Variants in BCAT1 observed in about 807,000 individuals in gnomAD.
BCAT1 encodes branched chain amino acid transaminase 1.
Under a neutral mutation model 52.4 loss-of-function variants are expected in BCAT1, and 48 were observed. The observed-to-expected ratio is 0.92, with a 90% CI of 0.73 to 1.16. The LOEUF is 1.16. BCAT1 is among the 50% of genes most tolerant of loss of function. The pLI is 0.00. For missense variants in BCAT1, 451 were observed against 457.1 expected, an observed-to-expected ratio of 0.99 and a Z score of 0.12; for synonymous variants, 167 against 161.3, an observed-to-expected ratio of 1.04 and a Z score of -0.27.
At chr12:24,831,264 A>T (rs531159841) in intron 9 of BCAT1, among the ~76,000 whole-genome samples, 1 of 152,334 alleles carries the variant, frequency 6.6e-6, no homozygotes, top group East Asian at 1.9e-4. Flanking sequence ...CATACATAAC[A>T]TACAAAATAT....
intron 9 of BCAT1, among the ~76,000 whole-genome samples, chr12:24,832,248 G>A (rs1940699952): frequency 6.6e-6 from 1 of 152,194 alleles, no homozygotes; most frequent in South Asian, 2.1e-4. Flanking sequence ...ATGTAGGTAA[G>A]ACAGATCTTA....
chr12:24,870,250 CTGTG>C (rs1176202162), intron 5 of BCAT1, among the ~76,000 whole-genome samples: 1 of 152,128 alleles, frequency 6.6e-6, no homozygotes. Context: ...ACTTAATTGG[CTGTG>C]TGTATGTATG....
chr12:24,930,247 A>T (rs1286867267), intron 1 of BCAT1, among the ~76,000 whole-genome samples: 3 of 152,018 alleles, frequency 2.0e-5, no homozygotes, highest in Non-Finnish European at 4.4e-5. Flanking sequence ...ACCTCTAAGG[A>T]TTCTCCTTCA....
intron 5 of BCAT1, among the ~76,000 whole-genome samples, chr12:24,878,173 A>G (rs1434819745): frequency 6.7e-6 from 1 of 149,888 alleles, no homozygotes; most frequent in South Asian, 2.1e-4. Flanking sequence ...AGAGACCTCA[A>G]AAAAAAAAAA....
chr12:24,870,461 T>G (rs1030022311), intron 5 of BCAT1, among the ~76,000 whole-genome samples: 2 of 152,322 alleles, frequency 1.3e-5, no homozygotes, highest in Middle Eastern at 3.4e-3. Context: ...TATGTTTCCA[T>G]GCTAACCATT....
intron 1 of BCAT1, among the ~76,000 whole-genome samples, chr12:24,926,668 G>A (rs2139733724): frequency 6.6e-6 from 1 of 152,270 alleles, no homozygotes; most frequent in African/African-American, 2.4e-5. Context: ...CCCCAACCCG[G>A]TGCTCTCTGA....
At chr12:24,839,259 G>C (rs985766822) in intron 7 of BCAT1, among the ~76,000 whole-genome samples, 3 of 152,182 alleles carry the variant, frequency 2.0e-5, no homozygotes, top group Non-Finnish European at 4.4e-5. Context: ...GGATTTGTAA[G>C]CAAAGATTTG....
In BCAT1 at chr12:24,832,804, C is replaced by T. The variant is rs762733850; in HGVS notation, c.963G>A (p.Glu321=). The stretch of plus-strand genomic sequence containing the variant: ...CAAACATCTCTCTCACTCTGTTCCC[C>T]TCCAGGGCTGTTGTCAAGTCATCCA... ...LTMDDLTTAL[E]GNRVREMFGS... Residue 321 remains glutamate, a synonymous_variant, in exon 9 of 11, where the codon GAG becomes GAA. Transcript: ENST00000261192. 7 of 1,612,306 alleles carry T rather than the reference C, an allele frequency of 4.3e-6. No individual in the cohort carries two copies. In the Admixed American group the frequency reaches 1.2e-4, roughly 27 times the overall value.
At chr12:24,863,742 G>T (rs1462067705) in intron 5 of BCAT1, among the ~76,000 whole-genome samples, 1 of 152,076 alleles carries the variant, frequency 6.6e-6, no homozygotes, top group Non-Finnish European at 1.5e-5. Flanking sequence ...GTGAGCCTTG[G>T]CAACATAGCA....
At chr12:24,947,195 A>AC (rs1943945118) in intron 1 of BCAT1, among the ~76,000 whole-genome samples, 1 of 151,568 alleles carries the variant, frequency 6.6e-6, no homozygotes, top group Non-Finnish European at 1.5e-5. Flanking sequence ...ACACACACAC[A>AC]CACACACACA....
intron 3 of BCAT1, among the ~76,000 whole-genome samples, chr12:24,891,637 AAGG>A (rs1364324934): frequency 6.6e-6 from 1 of 152,228 alleles, no homozygotes; most frequent in Non-Finnish European, 1.5e-5. Context: ...GTTTTTAACA[AAGG>A]ATAACAGTAA....
rs570565048 is a variant in BCAT1, at chr12:24,914,361, G to A, written c.7-12476C>T. ...GCCTCCCAAAGTGCTGAGATTACAG[G>A]TGTGAACTACTGTGCCCAGCGGGTG... is the stretch of plus-strand genomic sequence containing the variant. On this transcript the variant is annotated intron_variant, in intron 1 of 10. Transcript: ENST00000261192. Among the ~76,000 whole-genome samples, 190 of 152,248 alleles carry A rather than the reference G, an allele frequency of 1.2e-3. 2 individuals carry two copies. Among genetic ancestry groups the A allele is most frequent in the African/African-American group, 4.1e-3 (170 of 41,550 alleles).
intron 1 of BCAT1, among the ~76,000 whole-genome samples, chr12:24,922,336 T>C (rs1373688895): frequency 6.6e-6 from 1 of 152,190 alleles, no homozygotes; most frequent in Non-Finnish European, 1.5e-5. Context: ...AGCTACAAGA[T>C]GGTTTTTACC....
At chr12:24,904,090 C>G (rs1321274017) in intron 1 of BCAT1, 2 of 152,334 alleles carry the variant, frequency 1.3e-5, no homozygotes, top group Admixed American at 1.3e-4. Flanking sequence ...ACAGAAAGGC[C>G]TCTTACGCTG....
At chr12:24,849,662 C>T (rs554509057) in intron 6 of BCAT1, 124 bp downstream of exon 6, 17 of 1,113,078 alleles carry the variant, frequency 1.5e-5, no homozygotes, top group South Asian at 2.3e-5. Flanking sequence ...TGAAAATTAA[C>T]CATGAAACAC....
At chr12:24,838,611 C>T (rs777475663) in intron 7 of BCAT1, among the ~76,000 whole-genome samples, 16 of 152,118 alleles carry the variant, frequency 1.1e-4, no homozygotes, top group Non-Finnish European at 1.5e-4. Flanking sequence ...ACAGCAGCCC[C>T]GCATGTGCAA....
Position 24,811,190 on chromosome 12 carries a change from G to A in BCAT1, c.*6818C>T, listed in dbSNP as rs1461728630. 1 of 152,030 alleles carries A rather than the reference G, an allele frequency of 6.6e-6. No individual in the cohort carries two copies. The highest frequency in any genetic ancestry group is 1.5e-5 in the Non-Finnish European group (1 of 67,986). The allele number at this position is 152,030 out of a possible 1,614,324, so 9.4% of individuals were successfully genotyped here. A position where few individuals can be genotyped will look rare whatever the true frequency, so the allele number is the denominator to read the frequency against. ...GAAACATATTGAATCTCTATCCAGT[G>A]GTGTGGTTTCTGGTCTTTCTGGTGT... On this transcript the variant is annotated 3_prime_UTR_variant, in exon 11 of 11. Transcript: ENST00000261192.
intron 5 of BCAT1, among the ~76,000 whole-genome samples, chr12:24,866,561 CCT>C (rs893169623): frequency 6.6e-6 from 1 of 152,188 alleles, no homozygotes; most frequent in African/African-American, 2.4e-5. Flanking sequence ...CAGCTGGGCT[CCT>C]GAGTCTAGTG....
intron 1 of BCAT1, among the ~76,000 whole-genome samples, chr12:24,909,940 C>G (rs1316059194): frequency 1.3e-5 from 2 of 152,178 alleles, no homozygotes; most frequent in Admixed American, 1.3e-4. Context: ...CTGTGAGTGG[C>G]TGTCTTAAAC....
Sources: allele counts gnomAD v4.1 joint callset (sites outside exome capture counted in the v4.1 genomes callset), GRCh38; gene constraint gnomAD v4.1.1; transcripts MANE v1.5; gene names NCBI Gene and HGNC (gene_info 2026-07-23, HGNC 2026-07-21).